The following FILIP1L variants were observed in gnomAD, a reference collection of about 807,000 sequenced individuals.
FILIP1L encodes the protein filamin A interacting protein 1 like.
Under a neutral mutation model 96.6 loss-of-function variants are expected in FILIP1L, and 55 were observed. The observed-to-expected ratio is 0.57, with a 90% confidence interval of 0.46 to 0.71. The LOEUF (loss-of-function observed/expected upper bound fraction) is 0.71, where lower values mean the gene tolerates loss of function less well. Ranked by LOEUF, FILIP1L falls within the 30% of genes least tolerant of loss-of-function variation. FILIP1L has a pLI of 0.00. For missense variants in FILIP1L, 1,304 were observed against 1,321.2 expected (o/e 0.99, Z 0.20); for synonymous variants, 467 against 473.9 (o/e 0.99, Z 0.19).
At chr3:99,930,146 T>C (rs2107662033) in intron 2 of FILIP1L, 117 bp from the exon 3 acceptor site, 2 of 808,160 alleles carry the variant, frequency 2.5e-6, no homozygotes, top group Non-Finnish European at 3.9e-6. Flanking sequence ...ATGAATCATA[T>C]TTCATTTTCA....
chr3:99,889,254 A>G (rs1044250504), intron 4 of FILIP1L, among the ~76,000 whole-genome samples: 1 of 152,060 alleles, frequency 6.6e-6, no homozygotes, highest in African/African-American at 2.4e-5. Flanking sequence ...GTTTCTGGCA[A>G]TTCTTGCTTT....
intron 1 of FILIP1L, among the ~76,000 whole-genome samples, chr3:100,030,882 A>G (rs571386183): frequency 1.3e-5 from 2 of 152,294 alleles, no homozygotes; most frequent in South Asian, 4.1e-4. Context: ...AATTTTCTTT[A>G]CTGTGCAACT....
intron 1 of FILIP1L, among the ~76,000 whole-genome samples, chr3:99,973,064 T>A (rs959068297): frequency 1.3e-5 from 2 of 152,104 alleles, no homozygotes; most frequent in Non-Finnish European, 2.9e-5. Context: ...TGCAGAACTA[T>A]AGGAACAATG....
At chr3:99,961,259 T>C (rs1708481880) in intron 1 of FILIP1L, among the ~76,000 whole-genome samples, 1 of 152,216 alleles carries the variant, frequency 6.6e-6, no homozygotes, top group African/African-American at 2.4e-5. Flanking sequence ...ATCCCCTGTG[T>C]TGGAATGCTG....
At chr3:99,990,254 C>T (rs943564351) in intron 1 of FILIP1L, among the ~76,000 whole-genome samples, 4 of 152,136 alleles carry the variant, frequency 2.6e-5, no homozygotes, top group African/African-American at 9.7e-5. Flanking sequence ...CAAAGATAGA[C>T]AGAAAGAGAT....
At chr3:100,023,832 G>C (rs1344158965) in intron 1 of FILIP1L, among the ~76,000 whole-genome samples, 4 of 152,166 alleles carry the variant, frequency 2.6e-5, no homozygotes, top group Non-Finnish European at 4.4e-5. Context: ...CTCCTTCACA[G>C]TGCTCATTGC....
chr3:99,862,850 C>T (rs1169079923), intron 4 of FILIP1L, among the ~76,000 whole-genome samples: 2 of 152,212 alleles, frequency 1.3e-5, no homozygotes, highest in Non-Finnish European at 2.9e-5. Context: ...CTCCACAGCT[C>T]TTCTCCCTTC....
At chr3:99,877,039 A>G (rs916160069) in intron 4 of FILIP1L, among the ~76,000 whole-genome samples, 1 of 152,230 alleles carries the variant, frequency 6.6e-6, no homozygotes, top group African/African-American at 2.4e-5. Context: ...TGAATTAAGA[A>G]TATTATCCTC....
At chr3:99,950,385 G>A (rs1708140306) in intron 1 of FILIP1L, among the ~76,000 whole-genome samples, 3 of 152,110 alleles carry the variant, frequency 2.0e-5, no homozygotes, top group Non-Finnish European at 4.4e-5. Flanking sequence ...TATGGGTAGG[G>A]AAATCAGAAC....
Position 99,924,359 on chromosome 3 carries a change from C to T in FILIP1L, c.476G>A (p.Gly159Glu), listed in dbSNP as rs758287550. 6.2e-7 allele frequency: 1 copy of T among 1,614,102 alleles called. No individual in the cohort carries two copies. The highest frequency in any genetic ancestry group is 2.2e-5 in the East Asian group (1 of 44,884). Residue 159 changes from glycine (G) to glutamate (E), a missense_variant, in exon 4 of 6, where the codon GGA becomes GAA. Transcript: ENST00000477258. Reference sequence around the variant, plus strand: ...GGATTTTTCTGCCACTAAAAGCTGTCCCAGGATTCGTCTGTAAGATTCTTT... The same window carrying T: ...GGATTTTTCTGCCACTAAAAGCTGTTCCAGGATTCGTCTGTAAGATTCTTT... ...KHKESYRRILGQLLVAEKSRR... is the reference protein window; with the variant it reads ...KHKESYRRILEQLLVAEKSRR...
chr3:99,979,169 C>G (rs773106916), intron 1 of FILIP1L, among the ~76,000 whole-genome samples: 5 of 152,076 alleles, frequency 3.3e-5, no homozygotes, highest in Non-Finnish European at 7.4e-5. Flanking sequence ...CACTGTATAC[C>G]TATATCAGAA....
intron 1 of FILIP1L, among the ~76,000 whole-genome samples, chr3:99,941,980 G>T (rs369419592): frequency 6.6e-6 from 1 of 152,084 alleles, no homozygotes; most frequent in East Asian, 1.9e-4. Context: ...TATAAATTAG[G>T]TGATATTAAG....
rs139276082 is a variant in FILIP1L, at chr3:99,982,971, G to A, written c.-10-51941C>T. 5.6e-3 allele frequency among the ~76,000 whole-genome samples: 850 copies of A among 152,150 alleles called. 19 individuals carry two copies. Among genetic ancestry groups the A allele is most frequent in the Admixed American group, 0.039 (589 of 15,278 alleles). On this transcript the variant is annotated intron_variant, in intron 1 of 5. Coordinates refer to ENST00000477258, the MANE Select transcript of FILIP1L (RefSeq NM_001387850.1). The stretch of plus-strand genomic sequence containing the variant: ...AGTGCTGTACGAAAATGTGTAGGGC[G>A]AATGTCTTTGAGGTGCCCACATATA...
chr3:100,073,666 CTTG>C (rs1432619450), intron 1 of FILIP1L, among the ~76,000 whole-genome samples: 2 of 152,126 alleles, frequency 1.3e-5, no homozygotes, highest in Non-Finnish European at 2.9e-5. Flanking sequence ...AGTAATAAAC[CTTG>C]AGGAAGCCTA....
intron 4 of FILIP1L, among the ~76,000 whole-genome samples, chr3:99,865,393 T>G (rs1329899532): frequency 6.6e-6 from 1 of 152,188 alleles, no homozygotes; most frequent in Admixed American, 6.5e-5. Flanking sequence ...CCAGTGAATT[T>G]GTGTGCTGTA....
chr3:100,001,221 T>G (rs997290697), intron 1 of FILIP1L, among the ~76,000 whole-genome samples: 1 of 152,226 alleles, frequency 6.6e-6, no homozygotes, highest in African/African-American at 2.4e-5. Context: ...AATAGTATAC[T>G]ATGACCAGCA....
At chr3:99,854,532 A>G (rs977408788) in intron 4 of FILIP1L, among the ~76,000 whole-genome samples, 4 of 152,132 alleles carry the variant, frequency 2.6e-5, no homozygotes, top group Non-Finnish European at 5.9e-5. Context: ...TACAGGGATA[A>G]TCTATGCCAG....
intron 4 of FILIP1L, among the ~76,000 whole-genome samples, chr3:99,885,033 A>G (rs1166141051): frequency 1.3e-5 from 2 of 152,218 alleles, no homozygotes; most frequent in Admixed American, 6.5e-5. Flanking sequence ...TGTGGACTTG[A>G]GGGAAAAAAC....
At chr3:100,073,400 C>A (rs1317579958) in intron 1 of FILIP1L, among the ~76,000 whole-genome samples, 1 of 152,120 alleles carries the variant, frequency 6.6e-6, no homozygotes, top group Non-Finnish European at 1.5e-5. Flanking sequence ...GCAAGCTGTC[C>A]TGTCATGAAA....
Sources: allele counts gnomAD v4.1 joint callset (sites outside exome capture counted in the v4.1 genomes callset), GRCh38; gene constraint gnomAD v4.1.1; transcripts MANE v1.5; gene names NCBI Gene and HGNC (gene_info 2026-07-23, HGNC 2026-07-21).